The following MAF variants were observed in gnomAD, a reference collection of about 807,000 sequenced individuals.
MAF encodes the protein MAF bZIP transcription factor.
A neutral mutation model predicts 22.0 loss-of-function variants in MAF; 10 were observed. The ratio of observed to expected loss-of-function variants is 0.45; its 90% CI spans 0.28 to 0.77. The LOEUF is 0.77. MAF is among the 30% of genes least tolerant of loss of function. The pLI, the probability that MAF is intolerant of heterozygous loss-of-function variation, is 0.12. For missense variants in MAF, 544 were observed against 548.4 expected, an observed-to-expected ratio of 0.99 and a Z score of 0.08; for synonymous variants, 337 against 255.8, an observed-to-expected ratio of 1.32 and a Z score of -3.03.
At chr16:79,231,820 T>C in the MAF span, among the ~76,000 whole-genome samples, 2 of 152,044 alleles carry the variant, frequency 1.3e-5, no homozygotes, top group Non-Finnish European at 1.5e-5. Context: ...ATTATTACAT[T>C]GTAATATATA....
the MAF span, among the ~76,000 whole-genome samples, chr16:79,338,443 AC>A: frequency 2.6e-5 from 4 of 152,198 alleles, no homozygotes; most frequent in Non-Finnish European, 5.9e-5. Context: ...AAGATTTTCT[AC>A]ACTTTTGGGA....
chr16:79,363,909 T>G, the MAF span, among the ~76,000 whole-genome samples: 2 of 152,068 alleles, frequency 1.3e-5, no homozygotes, highest in African/African-American at 4.8e-5. Flanking sequence ...AGTGTAAGGG[T>G]AGTTGAGTTG....
chr16:79,259,665 TC>T, the MAF span, among the ~76,000 whole-genome samples: 1 of 152,106 alleles, frequency 6.6e-6, no homozygotes, highest in African/African-American at 2.4e-5. Flanking sequence ...AAAATTTGCT[TC>T]CCCAGAGAAG....
the MAF span, among the ~76,000 whole-genome samples, chr16:79,422,400 A>G: frequency 6.6e-6 from 1 of 152,202 alleles, no homozygotes; most frequent in Non-Finnish European, 1.5e-5. Context: ...TTTCATTGTC[A>G]TGGACTCTCT....
At chr16:79,436,197 C>G in the MAF span, among the ~76,000 whole-genome samples, 1 of 152,144 alleles carries the variant, frequency 6.6e-6, no homozygotes, top group Admixed American at 6.5e-5. Flanking sequence ...ATTCTCATGC[C>G]TCAACCTTTC....
chr16:79,529,437 T>G, the MAF span, among the ~76,000 whole-genome samples: 1 of 152,184 alleles, frequency 6.6e-6, no homozygotes, highest in East Asian at 1.9e-4. Flanking sequence ...GTGAAGCATA[T>G]TCTGAAATCT....
chr16:79,518,445 C>G, the MAF span, among the ~76,000 whole-genome samples: 142,472 of 151,996 alleles, frequency 0.94, 67,501 homozygotes, highest in East Asian at 1. Context: ...ATGGGGAATC[C>G]TGAAAACCAC....
the MAF span, among the ~76,000 whole-genome samples, chr16:79,522,754 G>C: frequency 1.3e-5 from 2 of 152,172 alleles, 1 homozygote; most frequent in South Asian, 4.2e-4. Flanking sequence ...TGGCTTGCTT[G>C]CTGGGGCTTT....
At chr16:79,440,474 T>A in the MAF span, among the ~76,000 whole-genome samples, 1 of 152,164 alleles carries the variant, frequency 6.6e-6, no homozygotes, top group Non-Finnish European at 1.5e-5. Flanking sequence ...TCTCGTTTGG[T>A]CACCAGGCTG....
chr16:79,530,437 C>T, the MAF span, among the ~76,000 whole-genome samples: 1 of 152,046 alleles, frequency 6.6e-6, no homozygotes, highest in South Asian at 2.1e-4. Flanking sequence ...CAGTTTTACT[C>T]CATTTTTTTC....
the MAF span, among the ~76,000 whole-genome samples, chr16:79,502,718 T>C: frequency 4.4e-3 from 80 of 18,160 alleles, 1 homozygote; most frequent in Non-Finnish European, 8.6e-3. Flanking sequence ...AATATATATA[T>C]ATATATATAT....
chr16:79,273,949 C>CTTTTTTTT, the MAF span, among the ~76,000 whole-genome samples: 3 of 86,454 alleles, frequency 3.5e-5, no homozygotes, highest in East Asian at 3.8e-4. Context: ...TCGTGTCTGC[C>CTTTTTTTT]TTTTTTTTTT....
At chr16:79,305,592 G>T in the MAF span, among the ~76,000 whole-genome samples, 1 of 152,170 alleles carries the variant, frequency 6.6e-6, no homozygotes, top group Non-Finnish European at 1.5e-5. Context: ...TAGGATTGGG[G>T]AGTTTAGACC....
the MAF span, among the ~76,000 whole-genome samples, chr16:79,288,604 G>C: frequency 6.6e-6 from 1 of 152,172 alleles, no homozygotes; most frequent in Non-Finnish European, 1.5e-5. Context: ...TTAAGTTTTG[G>C]GAAGGTGTTG....
the MAF span, among the ~76,000 whole-genome samples, chr16:79,498,621 G>A: frequency 6.6e-6 from 1 of 152,108 alleles, no homozygotes; most frequent in Admixed American, 6.6e-5. Flanking sequence ...CTATTAGTAC[G>A]CCCATTATGC....
At chr16:79,433,688 G>A in the MAF span, among the ~76,000 whole-genome samples, 4 of 152,104 alleles carry the variant, frequency 2.6e-5, no homozygotes, top group East Asian at 1.9e-4. Flanking sequence ...TCAACTGACC[G>A]ACTGCCATGA....
At chr16:79,595,166 A>T (rs1477786630) in intron 1 of MAF, 1 of 1,040,780 alleles carries the variant, frequency 9.6e-7, no homozygotes, top group Non-Finnish European at 1.2e-6. Flanking sequence ...AGTCAAGAAC[A>T]CTTGACTTCA....
At chr16:79,301,730 A>AT in the MAF span, among the ~76,000 whole-genome samples, 2 of 152,226 alleles carry the variant, frequency 1.3e-5, no homozygotes, top group Non-Finnish European at 2.9e-5. Context: ...GATAAAGTGC[A>AT]TATACATTTA....
At chr16:79,329,173 G>C in the MAF span, among the ~76,000 whole-genome samples, 6 of 151,990 alleles carry the variant, frequency 3.9e-5, no homozygotes, top group South Asian at 1.2e-3. Context: ...GGCACATTAG[G>C]TTAAAGGAAA....
Sources: gnomAD v4.1 joint callset for allele counts (sites outside exome capture counted in the v4.1 genomes callset) on GRCh38, gnomAD v4.1.1 for gene constraint, MANE v1.5 for transcripts, NCBI Gene and HGNC (gene_info 2026-07-23, HGNC 2026-07-21) for gene names.